Variants in PI4KA observed in about 807,000 individuals in gnomAD.
PI4KA encodes phosphatidylinositol 4-kinase alpha, also known as PI4-kinase alpha.
PI4KA carries 122 observed loss-of-function variants against 271.4 expected under a neutral mutation model. The observed-to-expected ratio is 0.45, with a 90% CI of 0.39 to 0.52. The LOEUF is 0.52. Ranked by LOEUF, PI4KA falls within the 20% of genes least tolerant of loss-of-function variation. PI4KA has a pLI of 0.00. For missense variants in PI4KA, 1,969 were observed against 2,769.1 expected, an observed-to-expected ratio of 0.71 and a Z score of 6.48; for synonymous variants, 1,041 against 1,078.8, an observed-to-expected ratio of 0.96 and a Z score of 0.69.
In PI4KA at chr22:20,712,503, T is replaced by C. The variant is rs746227248; in HGVS notation, c.5785A>G (p.Thr1929Ala). Residue 1929 changes from threonine (T) to alanine (A), a missense_variant, in exon 50 of 55, where the codon ACT becomes GCT. Physicochemically the swap from Thr to Ala is moderately conservative, Grantham distance 58. Transcript: ENST00000255882. ...CTGGCTACCTGCTGGAAGGCCAGAG[T>C]GGACTCATCCCCGTACTGGCGTGTG... Reference protein sequence around the residue: ...YFTRQYGDESTLAFQQARYNF... With the variant: ...YFTRQYGDESALAFQQARYNF... The C allele has an allele frequency of 1.9e-6, 3 of 1,606,350 alleles. No homozygotes were observed. The highest frequency in any genetic ancestry group is 1.1e-5 in the South Asian group (1 of 89,888).
intron 19 of PI4KA, among the ~76,000 whole-genome samples, chr22:20,777,217 T>G (rs1057323446): frequency 3.3e-5 from 5 of 151,348 alleles, no homozygotes; most frequent in African/African-American, 7.3e-5. Flanking sequence ...TATTTTTCTT[T>G]TCTTTTTTTT....
intron 22 of PI4KA, among the ~76,000 whole-genome samples, chr22:20,763,433 G>A (rs1932205904): frequency 6.7e-6 from 1 of 150,206 alleles, no homozygotes; most frequent in Non-Finnish European, 1.5e-5. Flanking sequence ...TTTGTGCAAT[G>A]TTCTTTTTTT....
At chr22:20,716,758 C>T (rs1405040978) in intron 45 of PI4KA, among the ~76,000 whole-genome samples, 5 of 152,184 alleles carry the variant, frequency 3.3e-5, no homozygotes, top group African/African-American at 9.6e-5. Flanking sequence ...GTGGCCTTCC[C>T]GATGCGGGAA....
intron 3 of PI4KA, among the ~76,000 whole-genome samples, chr22:20,828,916 A>C (rs1235263456): frequency 6.6e-6 from 1 of 152,186 alleles, no homozygotes. Context: ...GTATCTATTA[A>C]GATAATCACA....
In PI4KA at chr22:20,742,760, T is replaced by C. The variant is rs770419704; in HGVS notation, c.3461A>G (p.Tyr1154Cys). 23 of 1,613,938 alleles carry C rather than the reference T, an allele frequency of 1.4e-5. No homozygotes were observed. The highest frequency in any genetic ancestry group is 1.9e-5 in the Non-Finnish European group (22 of 1,179,934). The change falls in exon 31 of 55, where the codon TAT becomes TGT. Residue 1154 changes from tyrosine to cysteine, a missense_variant. Tyr to Cys is a radical substitution (Grantham distance 194). Coordinates refer to ENST00000255882, the MANE Select transcript of PI4KA (RefSeq NM_058004.4). ...NLRNRYAGEV[Y>C]GMIRFSGTTG... ...GGTGCCTGAGAACCGAATCATTCCA[T>C]ACACCTGCAAAAACATTCTCATCAG...
chr22:20,743,676 C>A (rs1929726272), intron 30 of PI4KA, among the ~76,000 whole-genome samples: 1 of 152,100 alleles, frequency 6.6e-6, no homozygotes, highest in Admixed American at 6.5e-5. Flanking sequence ...GAAGAACATA[C>A]AAGTGACAGA....
intron 27 of PI4KA, 140 bp downstream of exon 27, chr22:20,751,153 A>C (rs1420516345): frequency 3.0e-6 from 2 of 662,140 alleles, no homozygotes; most frequent in Non-Finnish European, 5.2e-6. Flanking sequence ...TGGTCTCCTC[A>C]CTGGGGGATG....
intron 29 of PI4KA, chr22:20,747,357 T>C (rs1195295200): frequency 4.6e-6 from 2 of 437,360 alleles, no homozygotes; most frequent in Non-Finnish European, 8.1e-6. Context: ...CATAAATCCA[T>C]AAATTTAAAA....
At chr22:20,762,164 AG>A (rs1932033697) in intron 22 of PI4KA, among the ~76,000 whole-genome samples, 1 of 152,164 alleles carries the variant, frequency 6.6e-6, no homozygotes, top group Non-Finnish European at 1.5e-5. Flanking sequence ...GGTGCTGTGA[AG>A]GGCTGTTCAG....
At chr22:20,759,205 C>T (rs1442862641) in intron 23 of PI4KA, among the ~76,000 whole-genome samples, 1 of 152,018 alleles carries the variant, frequency 6.6e-6, no homozygotes, top group Non-Finnish European at 1.5e-5. Flanking sequence ...TTCCACCATG[C>T]CCAGCTAATT....
At chr22:20,822,731 T>C (rs1922874331) in intron 4 of PI4KA, among the ~76,000 whole-genome samples, 1 of 152,220 alleles carries the variant, frequency 6.6e-6, no homozygotes, top group Non-Finnish European at 1.5e-5. Flanking sequence ...AAAGCATTTA[T>C]GAAGATCCAC....
intron 14 of PI4KA, among the ~76,000 whole-genome samples, chr22:20,801,583 A>T (rs910144003): frequency 3.4e-5 from 5 of 145,538 alleles, no homozygotes; most frequent in South Asian, 2.2e-4. Context: ...AAGACTGTAT[A>T]AAAAAAAATG....
intron 19 of PI4KA, among the ~76,000 whole-genome samples, chr22:20,767,557 G>A (rs1008707484): frequency 2.6e-5 from 4 of 151,970 alleles, no homozygotes; most frequent in Non-Finnish European, 5.9e-5. Flanking sequence ...CGATCTCCCA[G>A]GCTCAAGTGA....
In PI4KA at chr22:20,811,203, T is replaced by C. The variant is rs546848273; in HGVS notation, c.1006-171A>G. ...TCAAACTATATGCACAAAATGCCTT[T>C]AATTCTGAAGTCACTTGGGACTGCT... On this transcript the variant is annotated intron_variant, in intron 8 of 54. Transcript: ENST00000255882. 7.2e-5 allele frequency among the ~76,000 whole-genome samples: 11 copies of C among 152,358 alleles called. No individual in the cohort carries two copies. In the East Asian group the frequency reaches 1.9e-3, roughly 27 times the overall value.
At chr22:20,780,786 A>C (rs1427434170) in intron 19 of PI4KA, among the ~76,000 whole-genome samples, 2 of 151,302 alleles carry the variant, frequency 1.3e-5, no homozygotes, top group African/African-American at 2.4e-5. Context: ...AAAAAAAAAA[A>C]AAAAAGAAGT....
chr22:20,746,776 C>G (rs1033670801), intron 29 of PI4KA, among the ~76,000 whole-genome samples: 1 of 152,192 alleles, frequency 6.6e-6, no homozygotes, highest in Non-Finnish European at 1.5e-5. Flanking sequence ...GTGCAGTGAC[C>G]TCGAGGAGAG....
In PI4KA at chr22:20,857,685, CATT is replaced by C. The variant is rs201149392; in HGVS notation, c.156+882_156+884del. Among the ~76,000 whole-genome samples, 967 of 152,332 alleles carry C rather than the reference CATT, an allele frequency of 6.3e-3. 3 individuals are homozygous for C. Among genetic ancestry groups the C allele is most frequent in the Non-Finnish European group, 0.01 (704 of 68,028 alleles). On this transcript the variant is annotated intron_variant, in intron 1 of 54. Coordinates refer to ENST00000255882, the MANE Select transcript of PI4KA (RefSeq NM_058004.4). ...GTGCAAGATGCTTTATGCTAGAACTCATTTAATTCTCAAGAACAACCTCATTTT... is the reference window on the plus strand; with the variant it reads ...GTGCAAGATGCTTTATGCTAGAACTCTAATTCTCAAGAACAACCTCATTTT...
intron 3 of PI4KA, among the ~76,000 whole-genome samples, chr22:20,825,576 C>T (rs942710688): frequency 7.9e-5 from 12 of 152,036 alleles, no homozygotes; most frequent in Admixed American, 3.9e-4. Flanking sequence ...GCTTGGAGTG[C>T]AGACAGAGTG....
chr22:20,811,071 C>T (rs759574562), intron 8 of PI4KA, 39 bp from the exon 9 acceptor site: 1 of 1,471,416 alleles, frequency 6.8e-7, no homozygotes, highest in South Asian at 1.1e-5. Flanking sequence ...AACTGACATA[C>T]ACAGAGACAG....
Sources: gnomAD v4.1 joint callset for allele counts (sites outside exome capture counted in the v4.1 genomes callset) on GRCh38, gnomAD v4.1.1 for gene constraint, MANE v1.5 for transcripts, NCBI Gene and HGNC (gene_info 2026-07-23, HGNC 2026-07-21) for gene names.